The following PROM1 variants were observed in gnomAD, a reference collection of about 807,000 sequenced individuals.
The protein encoded by PROM1 is prominin 1.
In PROM1, 105 loss-of-function variants were observed where a neutral mutation model predicts 116.9. The ratio of observed to expected loss-of-function variants is 0.90; its 90% CI spans 0.77 to 1.06. PROM1 has a LOEUF of 1.06. PROM1 is among the 50% of genes least tolerant of loss of function. The pLI is 0.00. For synonymous variants in PROM1, 393 were observed against 387.0 expected (o/e 1.02, Z -0.18); for missense variants, 1,122 against 1,045.2 (o/e 1.07, Z -1.01).
chr4:16,040,013 G>A (rs557052847), intron 2 of PROM1, among the ~76,000 whole-genome samples: 3 of 152,116 alleles, frequency 2.0e-5, no homozygotes, highest in South Asian at 2.1e-4. Flanking sequence ...TCTCCTGTGC[G>A]GGTGCCTTCC....
chr4:16,013,787 C>T (rs1456069916), intron 10 of PROM1, among the ~76,000 whole-genome samples: 1 of 152,064 alleles, frequency 6.6e-6, no homozygotes, highest in African/African-American at 2.4e-5. Context: ...CAACCATGCA[C>T]AGGAGAGCCC....
Position 16,013,256 on chromosome 4 carries a change from C to G in PROM1, c.1141+19G>C, listed in dbSNP as rs756248293. Reference sequence around the variant, plus strand: ...ACTGACCTACCAATCACAAAATCACCTCAAACTGTGAATCTCACCTGCTAC... The same window carrying G: ...ACTGACCTACCAATCACAAAATCACGTCAAACTGTGAATCTCACCTGCTAC... On this transcript the variant is annotated intron_variant, in intron 11 of 27. Coordinates refer to ENST00000447510, the MANE Select transcript of PROM1 (RefSeq NM_006017.3). The G allele has an allele frequency of 4.4e-6, 7 of 1,586,338 alleles. No individual in the cohort carries two copies. In the African/African-American group the frequency reaches 9.4e-5, roughly 21 times the overall value.
chr4:16,024,268 T>C (rs768476665), intron 7 of PROM1, 27 bp downstream of exon 7: 8 of 1,598,936 alleles, frequency 5.0e-6, no homozygotes, highest in Non-Finnish European at 6.0e-6. Context: ...AGAAAAAAAA[T>C]GTGAAGCAAC....
At chr4:16,060,103 G>T (rs1292580028) in intron 2 of PROM1, among the ~76,000 whole-genome samples, 2 of 152,136 alleles carry the variant, frequency 1.3e-5, no homozygotes, top group Non-Finnish European at 1.5e-5. Context: ...AACAATGGTT[G>T]CCTATAAAGG....
At chr4:16,060,619 T>C (rs1276288257) in intron 2 of PROM1, among the ~76,000 whole-genome samples, 2 of 152,108 alleles carry the variant, frequency 1.3e-5, no homozygotes, top group African/African-American at 4.8e-5. Context: ...TTGTGGATGT[T>C]TATTTCCCAG....
chr4:15,997,309 C>CATATAT (rs143329386), intron 15 of PROM1, among the ~76,000 whole-genome samples: 26 of 142,708 alleles, frequency 1.8e-4, no homozygotes, highest in Admixed American at 5.6e-4. Context: ...GAAATGCAAA[C>CATATAT]ATATATATAT....
chr4:16,025,706 AACACACACACACGCACAC>A (rs932518070), intron 5 of PROM1, among the ~76,000 whole-genome samples: 6 of 128,950 alleles, frequency 4.7e-5, no homozygotes, highest in African/African-American at 1.4e-4. Flanking sequence ...CATGTGTGTG[AACACACACACACGCACAC>A]ACACACACAC....
chr4:15,987,537 AAAATAGGTAGAT>A, intron 20 of PROM1, 114 bp downstream of exon 20: 1 of 1,010,200 alleles, frequency 9.9e-7, no homozygotes. Context: ...TTTGCTATTT[AAAATAGGTAGAT>A]AACTGAGGCT....
At chr4:16,002,865 C>G (rs1724220532) in intron 13 of PROM1, among the ~76,000 whole-genome samples, 1 of 152,072 alleles carries the variant, frequency 6.6e-6, no homozygotes. Flanking sequence ...AACCACTGCC[C>G]AAGGTCTGTT....
intron 2 of PROM1, among the ~76,000 whole-genome samples, chr4:16,042,874 C>A (rs1735665962): frequency 1.3e-5 from 2 of 152,120 alleles, no homozygotes; most frequent in Non-Finnish European, 2.9e-5. Flanking sequence ...ACGGGAGCAA[C>A]CCAGATACAG....
At chr4:15,990,715 C>A (rs186977845) in intron 18 of PROM1, among the ~76,000 whole-genome samples, 203 of 152,274 alleles carry the variant, frequency 1.3e-3, no homozygotes, top group Middle Eastern at 3.4e-3. Context: ...GAAAGAGGAG[C>A]CCAAAGCACC....
chr4:15,975,436 G>T (rs879803486), intron 26 of PROM1, among the ~76,000 whole-genome samples: 1 of 152,110 alleles, frequency 6.6e-6, no homozygotes, highest in Non-Finnish European at 1.5e-5. Context: ...GGCCAGGCTG[G>T]TCTCAAACTC....
intron 7 of PROM1, 85 bp downstream of exon 7, chr4:16,024,210 C>T (rs545255514): frequency 3.3e-6 from 4 of 1,213,188 alleles, no homozygotes; most frequent in East Asian, 2.4e-5. Context: ...CCAACTTTCA[C>T]GTACGTCATT....
chr4:16,004,890 TCC>T (rs1459984731), intron 13 of PROM1, among the ~76,000 whole-genome samples: 1 of 111,346 alleles, frequency 9.0e-6, no homozygotes, highest in African/African-American at 3.5e-5. Context: ...TCTCTCTCCC[TCC>T]CCCTCTCTCT....
intron 2 of PROM1, among the ~76,000 whole-genome samples, chr4:16,044,642 A>G (rs1736092689): frequency 6.6e-6 from 1 of 152,234 alleles, no homozygotes; most frequent in South Asian, 2.1e-4. Flanking sequence ...ATATTTTCCA[A>G]AAAGACACAG....
At position 15,968,549 on chromosome 4, in the gene PROM1, T is replaced by G. The variant is rs893686399; in HGVS notation, c.*844A>C. 5 of 152,270 alleles carry G rather than the reference T, an allele frequency of 3.3e-5. No individual in the cohort carries two copies. Among genetic ancestry groups the G allele is most frequent in the African/African-American group, 1.2e-4 (5 of 41,480 alleles). The allele number at this position is 152,270 out of a possible 1,614,324, so 9.4% of individuals were successfully genotyped here. A position where few individuals can be genotyped will look rare whatever the true frequency, so the allele number is the denominator to read the frequency against. On this transcript the variant is annotated 3_prime_UTR_variant, in exon 28 of 28. Transcript: ENST00000447510. ...CTTGATACTAGTCTGATGATACTCATGTTAGCTGCACTCCAATTAATGTTT... is the reference window on the plus strand; with the variant it reads ...CTTGATACTAGTCTGATGATACTCAGGTTAGCTGCACTCCAATTAATGTTT...
At position 15,985,827 on chromosome 4, in the gene PROM1, T is replaced by G. The variant is rs944223905; in HGVS notation, c.2213A>C (p.Glu738Ala). Residue 738 changes from glutamate to alanine, a missense_variant and splice_region_variant, in exon 22 of 28, where the codon GAA becomes GCA. Glu to Ala is a moderately radical substitution (Grantham distance 107). Transcript: ENST00000447510. ...TNNTSSVIIEETKKYGRTIIG... is the reference protein window; with the variant it reads ...TNNTSSVIIEATKKYGRTIIG... ...TATTGTTCTCCCATACTTCTTAGTT[T>G]CCTGGAAAGAAACAAAAGATGAGTA... 7 of 1,072,284 alleles carry G rather than the reference T, an allele frequency of 6.5e-6. No homozygotes were observed. The Admixed American group carries it at 1.7e-4, about 25-fold the overall frequency. 66.4% of individuals were successfully genotyped at this position (1,072,284 alleles called of 1,614,324 possible). A position where few individuals can be genotyped will look rare whatever the true frequency, so the allele number is the denominator to read the frequency against.
intron 11 of PROM1, among the ~76,000 whole-genome samples, 163 bp downstream of exon 11, chr4:16,013,112 A>C (rs766126255): frequency 1.3e-5 from 2 of 152,142 alleles, no homozygotes; most frequent in African/African-American, 2.4e-5. Flanking sequence ...CTTGTTTTTA[A>C]CTGTCCGAAT....
chr4:15,999,198 G>A (rs772821484), intron 14 of PROM1, among the ~76,000 whole-genome samples: 5 of 151,804 alleles, frequency 3.3e-5, no homozygotes, highest in Admixed American at 2.0e-4. Flanking sequence ...TTGGCCGGGC[G>A]CTGTGGCTCA....
Sources: allele counts gnomAD v4.1 joint callset (sites outside exome capture counted in the v4.1 genomes callset), GRCh38; gene constraint gnomAD v4.1.1; transcripts MANE v1.5; gene names NCBI Gene and HGNC (gene_info 2026-07-23, HGNC 2026-07-21).